Variants in ALMS1 observed in about 807,000 individuals in gnomAD.
ALMS1 encodes the protein centrosome-associated protein ALMS1.
A neutral mutation model predicts 352.2 loss-of-function variants in ALMS1; 271 were observed. The observed-to-expected ratio is 0.77, with a 90% confidence interval of 0.70 to 0.85. The LOEUF (loss-of-function observed/expected upper bound fraction) is 0.85, where lower values mean the gene tolerates loss of function less well. Among genes scored for constraint, ALMS1 ranks in the 40% least tolerant of loss-of-function variants. The pLI, the probability that ALMS1 is intolerant of heterozygous loss-of-function variation, is 0.00. For synonymous variants in ALMS1, 1,865 were observed against 1,761.2 expected (o/e 1.06, Z -1.48); for missense variants, 5,445 against 4,870.7 (o/e 1.12, Z -3.51).
At chr2:73,493,442 G>T (rs1390858919) in intron 10 of ALMS1, among the ~76,000 whole-genome samples, 2 of 151,258 alleles carry the variant, frequency 1.3e-5, no homozygotes, top group African/African-American at 4.9e-5. Context: ...TTTATAAAGG[G>T]CTGGGTGCGG....
intron 1 of ALMS1, among the ~76,000 whole-genome samples, chr2:73,397,648 A>G (rs1386055613): frequency 6.6e-6 from 1 of 151,988 alleles, no homozygotes; most frequent in African/African-American, 2.4e-5. Context: ...TTTTTCTTGT[A>G]TTCAGTAGAG....
chr2:73,525,355 C>G (rs901977180), intron 11 of ALMS1, among the ~76,000 whole-genome samples: 2 of 152,170 alleles, frequency 1.3e-5, no homozygotes, highest in Non-Finnish European at 2.9e-5. Context: ...TACAAACTAA[C>G]TGTTCTCTAT....
At chr2:73,584,158 A>G (rs1362878455) in intron 16 of ALMS1, among the ~76,000 whole-genome samples, 1 of 152,142 alleles carries the variant, frequency 6.6e-6, no homozygotes, top group African/African-American at 2.4e-5. Context: ...TATATGAAAA[A>G]TTAAGAAACT....
intron 9 of ALMS1, among the ~76,000 whole-genome samples, chr2:73,474,096 T>C (rs1672528058): frequency 6.6e-6 from 1 of 152,154 alleles, no homozygotes; most frequent in South Asian, 2.1e-4. Flanking sequence ...ATGTTGGTTC[T>C]ATTAGTAGAA....
At chr2:73,488,477 G>A (rs906927878) in intron 9 of ALMS1, among the ~76,000 whole-genome samples, 2 of 152,210 alleles carry the variant, frequency 1.3e-5, no homozygotes, top group African/African-American at 2.4e-5. Flanking sequence ...ATCCCCGAAA[G>A]TGCAGTGGTG....
chr2:73,404,579 T>C (rs1027895894), intron 1 of ALMS1, among the ~76,000 whole-genome samples: 6 of 152,160 alleles, frequency 3.9e-5, no homozygotes, highest in African/African-American at 1.4e-4. Context: ...GTGTATTACA[T>C]TGATCAATTT....
intron 7 of ALMS1, among the ~76,000 whole-genome samples, chr2:73,443,553 C>G (rs1057479779): frequency 1.3e-5 from 2 of 151,908 alleles, no homozygotes; most frequent in African/African-American, 4.9e-5. Flanking sequence ...TCCCTAATCA[C>G]TGCCCTTACA....
chr2:73,539,342 CAG>C (rs1208010004), intron 12 of ALMS1, among the ~76,000 whole-genome samples: 1 of 152,062 alleles, frequency 6.6e-6, no homozygotes, highest in Admixed American at 6.6e-5. Context: ...TACTAACAAA[CAG>C]AAAGGACATC....
intron 19 of ALMS1, among the ~76,000 whole-genome samples, chr2:73,601,953 A>C (rs1675699330): frequency 6.6e-6 from 1 of 152,212 alleles, no homozygotes; most frequent in South Asian, 2.1e-4. Flanking sequence ...TAATCGCCAT[A>C]GTCTTAGTTC....
chr2:73,423,116 A>G, intron 4 of ALMS1, 142 bp downstream of exon 4: 1 of 739,260 alleles, frequency 1.4e-6, no homozygotes, highest in Non-Finnish European at 2.4e-6. Context: ...AAAGTCCTGT[A>G]CTAAGACTTG....
At chr2:73,489,349 A>G (rs927541682) in intron 9 of ALMS1, among the ~76,000 whole-genome samples, 7 of 152,216 alleles carry the variant, frequency 4.6e-5, no homozygotes, top group African/African-American at 1.7e-4. Context: ...ATTAAAAGAA[A>G]GGTGAGAATA....
chr2:73,466,665 A>G (rs1467193957), intron 9 of ALMS1, among the ~76,000 whole-genome samples: 1 of 152,098 alleles, frequency 6.6e-6, no homozygotes, highest in Non-Finnish European at 1.5e-5. Flanking sequence ...AAAAATTCTA[A>G]GTGGTTACCT....
Position 73,491,951 on chromosome 2 carries a change from A to G in ALMS1, c.9539+453A>G, listed in dbSNP as rs144607506. Among the ~76,000 whole-genome samples, 133 of 152,266 alleles carry G rather than the reference A, an allele frequency of 8.7e-4. 1 individual carries two copies. Among genetic ancestry groups the G allele is most frequent in the African/African-American group, 3.0e-3 (124 of 41,554 alleles). ...TTCCCTCAAATATTTAGTATTTACA[A>G]AGAAAGTGGCTTTACAGTGGAAAAT... On this transcript the variant is annotated intron_variant, in intron 10 of 22. Coordinates refer to ENST00000613296, the MANE Select transcript of ALMS1 (RefSeq NM_001378454.1).
rs2056486 is a variant in ALMS1, at chr2:73,490,440, G to T, written c.8481G>T (p.Arg2827Ser). The T allele has an allele frequency of 0.26, 412,312 of 1,613,828 alleles. 65,462 individuals carry two copies. The highest frequency in any genetic ancestry group is 0.76 in the African/African-American group (56,993 of 74,962). The stretch of plus-strand genomic sequence containing the variant: ...GCAGTCATTCTGAGCCCAGTACCAG[G>T]GCAAATTGTAGCAATTTCAAGGAAA... ...FTGSHSEPST[R>S]ANCSNFKEIQ... The change falls in exon 10 of 23, where the codon AGG becomes AGT. Residue 2827 changes from arginine (R) to serine (S), a missense_variant. By Grantham distance (110) the Arg-to-Ser change is moderately radical. Transcript: ENST00000613296.
rs780110659 is a variant in ALMS1, at chr2:73,451,974, A to G, written c.5447A>G (p.Tyr1816Cys). The change falls in exon 8 of 23, where the codon TAC becomes TGC. Residue 1816 changes from tyrosine to cysteine, a missense_variant. By Grantham distance (194) the Tyr-to-Cys change is radical (BLOSUM62 -2). Coordinates refer to ENST00000613296, the MANE Select transcript of ALMS1 (RefSeq NM_001378454.1). ...YSHREKPIVS[Y>C]QRELPHFTEA... is the part of the protein sequence containing the mutation. The stretch of plus-strand genomic sequence containing the variant: ...CACAGAGAGAAGCCCATTGTTTCCT[A>G]CCAGCGAGAGTTGCCGCATTTTACT... The G allele has an allele frequency of 1.5e-5, 24 of 1,613,582 alleles. No homozygotes were observed. In the Admixed American group the frequency reaches 1.8e-4, roughly 12 times the overall value.
rs756765826 is a variant in ALMS1, at chr2:73,601,233, A to G, written c.11911A>G (p.Arg3971Gly). ...WFVPVENVESRSKKENVPNTC... is the reference protein window; with the variant it reads ...WFVPVENVESGSKKENVPNTC... ...TGTTCCTGTGGAAAATGTGGAGTCTAGATCAAAGAAGGAAAACGTGCCTAA... is the reference window on the plus strand; with the variant it reads ...TGTTCCTGTGGAAAATGTGGAGTCTGGATCAAAGAAGGAAAACGTGCCTAA... The change falls in exon 19 of 23, where the codon AGA (arginine) becomes GGA (glycine). Residue 3971 changes from arginine (R) to glycine (G), a missense_variant. By Grantham distance (125) the Arg-to-Gly change is moderately radical. Transcript: ENST00000613296. The G allele has an allele frequency of 3.7e-6, 6 of 1,614,212 alleles. No individual in the cohort carries two copies. The highest frequency in any genetic ancestry group is 5.1e-6 in the Non-Finnish European group (6 of 1,180,028).
chr2:73,463,891 A>C lies in ALMS1; in HGVS notation c.7674+8596A>C, dbSNP rs544668719. On this transcript the variant is annotated intron_variant, in intron 9 of 22. Coordinates refer to ENST00000613296, the MANE Select transcript of ALMS1 (RefSeq NM_001378454.1). ...GACACATACACCCTCCCAAGACTAA[A>C]CCAGGAAGAAGTTGACTCTCTGAAT... is the stretch of plus-strand genomic sequence containing the variant. Among the ~76,000 whole-genome samples the C allele has an allele frequency of 6.1e-3, 931 of 152,060 alleles. 11 individuals are homozygous for C. The highest frequency in any genetic ancestry group is 0.027 in the Middle Eastern group (8 of 294).
At chr2:73,606,433 AG>A (rs1175813667) in intron 21 of ALMS1, among the ~76,000 whole-genome samples, 1 of 152,228 alleles carries the variant, frequency 6.6e-6, no homozygotes, top group Non-Finnish European at 1.5e-5. Flanking sequence ...CTCTCACCTC[AG>A]CAAGAGCAGT....
intron 11 of ALMS1, among the ~76,000 whole-genome samples, chr2:73,524,770 A>G (rs1300167850): frequency 6.6e-6 from 1 of 152,150 alleles, no homozygotes; most frequent in African/African-American, 2.4e-5. Context: ...GTTATTTTAA[A>G]ATGTACAGTG....
Sources: allele counts gnomAD v4.1 joint callset (sites outside exome capture counted in the v4.1 genomes callset), GRCh38; gene constraint gnomAD v4.1.1; transcripts MANE v1.5; gene names NCBI Gene and HGNC (gene_info 2026-07-23, HGNC 2026-07-21).